The following MTRFR variants were observed in gnomAD, a reference collection of about 807,000 sequenced individuals.
The protein encoded by MTRFR is mitochondrial translation release factor in rescue, also known as probable peptide chain release factor C12orf65, mitochondrial.
A neutral mutation model predicts 11.9 loss-of-function variants in MTRFR; 10 were observed. The ratio of observed to expected loss-of-function variants is 0.84; its 90% CI spans 0.52 to 1.42. The LOEUF is 1.42. Among genes scored for constraint, MTRFR ranks in the 40% most tolerant of loss-of-function variants. The pLI, the probability that MTRFR is intolerant of heterozygous loss-of-function variation, is 0.00. For synonymous variants in MTRFR, 77 were observed against 79.1 expected (o/e 0.97, Z 0.14); for missense variants, 196 against 197.9 (o/e 0.99, Z 0.06).
At chr12:123,242,556 C>G (rs1426130918) in intron 1 of MTRFR, among the ~76,000 whole-genome samples, 1 of 152,052 alleles carries the variant, frequency 6.6e-6, no homozygotes. Context: ...GGCCAAAGCT[C>G]CAGGAGATAC....
chr12:123,253,619 G>A, intron 1 of MTRFR, 28 bp from the exon 2 acceptor site: 1 of 1,610,014 alleles, frequency 6.2e-7, no homozygotes, highest in South Asian at 1.1e-5. Context: ...GCCTCTTACT[G>A]AAAGCTCTCC....
intron 1 of MTRFR, among the ~76,000 whole-genome samples, chr12:123,244,721 C>T (rs7137286): frequency 0.59 from 89,525 of 151,556 alleles, 30,680 homozygotes; most frequent in Non-Finnish European, 0.75. Context: ...CAACCTCCGC[C>T]TCATGGGTTC....
At chr12:123,243,751 C>T (rs1035922845) in intron 1 of MTRFR, 2 of 152,094 alleles carry the variant, frequency 1.3e-5, no homozygotes. Context: ...TGAAGGATAT[C>T]ATATTGTCAC....
At chr12:123,245,497 G>C (rs1169511241) in intron 1 of MTRFR, among the ~76,000 whole-genome samples, 1 of 152,054 alleles carries the variant, frequency 6.6e-6, no homozygotes, top group Admixed American at 6.6e-5. Flanking sequence ...TCACAATATT[G>C]ATTCTACCCA....
chr12:123,239,762 A>AT (rs1175821697), intron 1 of MTRFR, among the ~76,000 whole-genome samples: 1 of 151,996 alleles, frequency 6.6e-6, no homozygotes, highest in African/African-American at 2.4e-5. Flanking sequence ...CAGAGGTGAC[A>AT]TTTTTTATTT....
intron 1 of MTRFR, among the ~76,000 whole-genome samples, chr12:123,239,347 T>A (rs574133064): frequency 6.6e-6 from 1 of 152,346 alleles, no homozygotes; most frequent in Admixed American, 6.5e-5. Context: ...CATTTATTAT[T>A]TCTAATGTAA....
intron 1 of MTRFR, among the ~76,000 whole-genome samples, chr12:123,241,587 A>G (rs10846487): frequency 0.64 from 97,172 of 152,054 alleles, 35,500 homozygotes; most frequent in East Asian, 1. Context: ...TGATCCACCT[A>G]CTTCAGCCTC....
chr12:123,238,726 TG>T (rs2047888249), intron 1 of MTRFR, among the ~76,000 whole-genome samples: 1 of 152,208 alleles, frequency 6.6e-6, no homozygotes, highest in South Asian at 2.1e-4. Flanking sequence ...CTGCATCACC[TG>T]AGGATCTTGT....
Position 123,256,941 on chromosome 12 carries a change from A to G in MTRFR, c.411A>G (p.Lys137=), listed in dbSNP as rs781050575. Residue 137 remains lysine (K), a synonymous_variant, in exon 3 of 3, where the codon AAA becomes AAG. Transcript: ENST00000253233. ...AAGAAAAACGAGAAGCGGCGAAGAAAAAACAAGAAAGGAAAAAAAGAGCAA... is the reference window on the plus strand; with the variant it reads ...AAGAAAAACGAGAAGCGGCGAAGAAGAAACAAGAAAGGAAAAAAAGAGCAA... ...VHKEKREAAK[K]KQERKKRAKE... The G allele has an allele frequency of 1.2e-6, 2 of 1,613,882 alleles. No homozygotes were observed. The highest frequency in any genetic ancestry group is 3.3e-5 in the Admixed American group (2 of 59,972).
upstream of MTRFR, chr12:123,233,373 C>T (rs2138724045): frequency 6.6e-6 from 1 of 152,374 alleles, no homozygotes; most frequent in East Asian, 1.9e-4. Flanking sequence ...TTCAGTTTCT[C>T]GCATGCGCAG....
Position 123,253,678 on chromosome 12 carries a change from A to G in MTRFR, c.4A>G (p.Ser2Gly). Residue 2 changes from serine (S) to glycine (G), a missense_variant, in exon 2 of 3, where the codon AGC (serine) becomes GGC (glycine). Ser to Gly is a moderately conservative substitution (Grantham distance 56). Transcript: ENST00000253233. The part of the protein sequence containing the change: M[S>G]TVGLFHFPTP... ...AGCCAGCAGAGCCACGTTCCTTATG[A>G]GCACCGTGGGTTTATTTCATTTTCC... 2 of 1,614,102 alleles carry G rather than the reference A, an allele frequency of 1.2e-6. No homozygotes were observed. The highest frequency in any genetic ancestry group is 2.2e-5 in the South Asian group (2 of 91,074).
At chr12:123,235,531 ATTT>A (rs538804885) in intron 1 of MTRFR, among the ~76,000 whole-genome samples, 1 of 141,308 alleles carries the variant, frequency 7.1e-6, no homozygotes, top group Non-Finnish European at 1.6e-5. Flanking sequence ...GGCCCAGCTA[ATTT>A]TTTTTTTTTT....
chr12:123,237,938 C>T (rs2047876872), intron 1 of MTRFR, among the ~76,000 whole-genome samples: 1 of 151,984 alleles, frequency 6.6e-6, no homozygotes, highest in Non-Finnish European at 1.5e-5. Context: ...CTCTGTCACC[C>T]AGGGTGGAGT....
chr12:123,251,743 C>A (rs1235682632), intron 1 of MTRFR, among the ~76,000 whole-genome samples: 2 of 152,186 alleles, frequency 1.3e-5, no homozygotes, highest in Non-Finnish European at 2.9e-5. Context: ...TGTGGGTCCT[C>A]TCAGGATTGC....
intron 1 of MTRFR, among the ~76,000 whole-genome samples, chr12:123,238,324 CT>C (rs2047882746): frequency 6.6e-6 from 1 of 152,192 alleles, no homozygotes; most frequent in Non-Finnish European, 1.5e-5. Context: ...GCACGTTGGT[CT>C]GTTTAAGCTC....
intron 1 of MTRFR, among the ~76,000 whole-genome samples, chr12:123,236,604 AAAG>A (rs1392952860): frequency 2.2e-4 from 34 of 152,202 alleles, no homozygotes; most frequent in East Asian, 5.8e-4. Flanking sequence ...AAAAAAAAAA[AAAG>A]AAGAAGAAAC....
At chr12:123,249,462 T>C (rs1490891660) in intron 1 of MTRFR, 3 of 152,488 alleles carry the variant, frequency 2.0e-5, no homozygotes, top group Admixed American at 2.0e-4. Context: ...CACGCCCTGC[T>C]CCACGGGGAG....
rs903846190 is a variant in MTRFR, at chr12:123,257,037, G to A, written c.*6G>A. On this transcript the variant is annotated 3_prime_UTR_variant, in exon 3 of 3. Coordinates refer to ENST00000253233, the MANE Select transcript of MTRFR (RefSeq NM_152269.5). ...CAAGTAAAAAGGTCCACTGAGAAAA[G>A]AATTAGAGATTCCAACTGACAGAAT... The A allele has an allele frequency of 1.2e-6, 2 of 1,605,332 alleles. No individual in the cohort carries two copies. The highest frequency in any genetic ancestry group is 1.7e-6 in the Non-Finnish European group (2 of 1,173,722).
At chr12:123,253,612 T>C in intron 1 of MTRFR, 35 bp from the exon 2 acceptor site, 1 of 1,603,878 alleles carries the variant, frequency 6.2e-7, no homozygotes. Flanking sequence ...GGCAGATGCC[T>C]CTTACTGAAA....
Sources: gnomAD v4.1 joint callset for allele counts (sites outside exome capture counted in the v4.1 genomes callset) on GRCh38, gnomAD v4.1.1 for gene constraint, MANE v1.5 for transcripts, NCBI Gene and HGNC (gene_info 2026-07-23, HGNC 2026-07-21) for gene names.